The following ZMAT4 variants were observed in gnomAD, a reference collection of about 807,000 sequenced individuals.
ZMAT4 encodes the protein zinc finger matrin-type 4, also known as zinc finger matrin-type protein 4.
A neutral mutation model predicts 28.7 loss-of-function variants in ZMAT4; 17 were observed. The ratio of observed to expected loss-of-function variants is 0.59; its 90% confidence interval spans 0.41 to 0.89. The LOEUF (loss-of-function observed/expected upper bound fraction) is 0.89, where lower values mean the gene tolerates loss of function less well. Among genes scored for constraint, ZMAT4 ranks in the 40% least tolerant of loss-of-function variants. The pLI is 0.00. For synonymous variants in ZMAT4, 117 were observed against 109.2 expected, an observed-to-expected ratio of 1.07 and a Z score of -0.44; for missense variants, 240 against 283.8, an observed-to-expected ratio of 0.85 and a Z score of 1.11.
At chr8:40,549,634 G>A (rs1198142166) in intron 6 of ZMAT4, among the ~76,000 whole-genome samples, 1 of 152,024 alleles carries the variant, frequency 6.6e-6, no homozygotes, top group African/African-American at 2.4e-5. Context: ...TACTTTTTTA[G>A]CTTCCACATT....
chr8:40,660,658 T>C (rs1029330108), intron 5 of ZMAT4, among the ~76,000 whole-genome samples: 1 of 152,172 alleles, frequency 6.6e-6, no homozygotes, highest in African/African-American at 2.4e-5. Flanking sequence ...ATACAAAGGT[T>C]TCAGATGCAA....
At chr8:40,590,941 C>T (rs1415074002) in intron 5 of ZMAT4, among the ~76,000 whole-genome samples, 3 of 152,026 alleles carry the variant, frequency 2.0e-5, no homozygotes, top group African/African-American at 4.8e-5. Flanking sequence ...GCTCATGTGT[C>T]AATTATGATT....
intron 2 of ZMAT4, among the ~76,000 whole-genome samples, chr8:40,810,411 G>A (rs1292964705): frequency 6.6e-6 from 1 of 152,122 alleles, no homozygotes; most frequent in Non-Finnish European, 1.5e-5. Context: ...AGAAGAAAAG[G>A]ATCTGATTCA....
intron 5 of ZMAT4, among the ~76,000 whole-genome samples, chr8:40,591,574 C>T (rs1804894624): frequency 6.6e-6 from 1 of 151,992 alleles, no homozygotes; most frequent in African/African-American, 2.4e-5. Flanking sequence ...CCTGCCTCAC[C>T]TCCCTTATTC....
chr8:40,820,182 GT>G (rs1815699708), intron 2 of ZMAT4, among the ~76,000 whole-genome samples: 6 of 151,606 alleles, frequency 4.0e-5, no homozygotes, highest in East Asian at 3.9e-4. Flanking sequence ...GTGTGTGTGT[GT>G]GTGGGCGGGT....
At chr8:40,667,147 A>AT (rs933622552) in intron 5 of ZMAT4, among the ~76,000 whole-genome samples, 4 of 149,840 alleles carry the variant, frequency 2.7e-5, no homozygotes, top group South Asian at 2.1e-4. Flanking sequence ...TTTTTTTTTT[A>AT]TTTTTTTTAT....
chr8:40,541,755 C>T lies in ZMAT4; in HGVS notation c.675-9517G>A, dbSNP rs721177. ...ATAACAGGTGAATTTGAGAGAGAAA[C>T]GAGCCACTGCTATGTTGTAATAATT... On this transcript the variant is annotated intron_variant, in intron 6 of 6. Transcript: ENST00000297737. Among the ~76,000 whole-genome samples the T allele has an allele frequency of 2.1e-3, 326 of 152,260 alleles. 1 individual carries two copies. The highest frequency in any genetic ancestry group is 7.4e-3 in the African/African-American group (309 of 41,548).
chr8:40,686,351 G>C (rs35246032), intron 4 of ZMAT4, among the ~76,000 whole-genome samples: 8,068 of 152,042 alleles, frequency 0.053, 256 homozygotes, highest in Middle Eastern at 0.078. Context: ...TGCACCCCCA[G>C]CTAATTGGGA....
At chr8:40,552,953 A>G (rs764879656) in intron 6 of ZMAT4, among the ~76,000 whole-genome samples, 5 of 152,218 alleles carry the variant, frequency 3.3e-5, no homozygotes, top group African/African-American at 4.8e-5. Context: ...TGGAAAGCTA[A>G]GCACGTGGGA....
intron 1 of ZMAT4, among the ~76,000 whole-genome samples, chr8:40,857,451 T>C (rs1424386776): frequency 6.6e-6 from 1 of 152,118 alleles, no homozygotes; most frequent in Admixed American, 6.5e-5. Flanking sequence ...TGGTTAATTT[T>C]ACATGAAGGA....
intron 5 of ZMAT4, among the ~76,000 whole-genome samples, chr8:40,640,429 A>G (rs1252641035): frequency 2.0e-5 from 3 of 152,214 alleles, no homozygotes; most frequent in Non-Finnish European, 4.4e-5. Flanking sequence ...AGGCACTCTC[A>G]TGATTCCACA....
rs145882546 is a variant in ZMAT4 at position 40,549,359 on chromosome 8, A to T, written c.675-17121T>A. On this transcript the variant is annotated intron_variant, in intron 6 of 6. Transcript: ENST00000297737. Reference sequence around the variant, plus strand: ...TGACTCCACTAGGGGTGCTAAAAACAGCTCCTGAGAAAGAAAGGCTTACAA... The same window carrying T: ...TGACTCCACTAGGGGTGCTAAAAACTGCTCCTGAGAAAGAAAGGCTTACAA... Among the ~76,000 whole-genome samples the T allele has an allele frequency of 1.3e-3, 200 of 152,310 alleles. 1 individual carries two copies. Among genetic ancestry groups the T allele is most frequent in the African/African-American group, 4.6e-3 (191 of 41,582 alleles).
chr8:40,536,112 T>C (rs780337391), intron 6 of ZMAT4, among the ~76,000 whole-genome samples: 1 of 152,212 alleles, frequency 6.6e-6, no homozygotes, highest in Non-Finnish European at 1.5e-5. Flanking sequence ...AAATAGTGCA[T>C]TGATAAACCA....
At chr8:40,820,818 T>TTTATAC (rs1815765602) in intron 2 of ZMAT4, among the ~76,000 whole-genome samples, 1 of 27,332 alleles carries the variant, frequency 3.7e-5, no homozygotes. Context: ...TGGGTGTGTG[T>TTTATAC]ATGTGTATGT....
At chr8:40,855,364 C>T (rs879571325) in intron 1 of ZMAT4, among the ~76,000 whole-genome samples, 1 of 152,104 alleles carries the variant, frequency 6.6e-6, no homozygotes, top group Non-Finnish European at 1.5e-5. Context: ...GACTCAAAAC[C>T]CCTCTGGCTC....
intron 4 of ZMAT4, among the ~76,000 whole-genome samples, chr8:40,689,882 C>G (rs539843745): frequency 1.3e-5 from 2 of 152,118 alleles, no homozygotes; most frequent in South Asian, 4.1e-4. Context: ...ATAAAAGATG[C>G]TGAGATCATC....
chr8:40,855,610 A>G (rs1359179104), intron 1 of ZMAT4, among the ~76,000 whole-genome samples: 2 of 151,978 alleles, frequency 1.3e-5, no homozygotes, highest in African/African-American at 2.4e-5. Flanking sequence ...TTTGTCCTTC[A>G]GTCCTACACA....
chr8:40,694,463 C>T (rs1809788113), intron 4 of ZMAT4, among the ~76,000 whole-genome samples: 1 of 152,086 alleles, frequency 6.6e-6, no homozygotes, highest in Non-Finnish European at 1.5e-5. Context: ...CTATCCTTTC[C>T]TAGAACCCAG....
chr8:40,829,438 G>A (rs1393529203), intron 1 of ZMAT4, among the ~76,000 whole-genome samples: 1 of 152,166 alleles, frequency 6.6e-6, no homozygotes, highest in Admixed American at 6.5e-5. Flanking sequence ...CGTGCTGTCC[G>A]GGGGTCTGAG....
Sources: allele counts gnomAD v4.1 joint callset (sites outside exome capture counted in the v4.1 genomes callset), GRCh38; gene constraint gnomAD v4.1.1; transcripts MANE v1.5; gene names NCBI Gene and HGNC (gene_info 2026-07-23, HGNC 2026-07-21).